The following SNTB1 variants were observed in gnomAD, a reference collection of about 807,000 sequenced individuals.
SNTB1 encodes beta-1-syntrophin.
SNTB1 carries 36 observed loss-of-function variants against 48.9 expected under a neutral mutation model. The observed-to-expected ratio is 0.74, with a 90% CI of 0.56 to 0.97. The LOEUF is 0.97. Ranked by LOEUF, SNTB1 falls within the 50% of genes least tolerant of loss-of-function variation. The probability of loss-of-function intolerance (pLI) is 0.00; values close to 1 mark genes in which losing one functional copy is unlikely to be tolerated. For synonymous variants in SNTB1, 299 were observed against 294.6 expected (o/e 1.01, Z -0.15); for missense variants, 786 against 703.4 (o/e 1.12, Z -1.33).
At chr8:120,717,848 A>G (rs1818587351) in intron 1 of SNTB1, among the ~76,000 whole-genome samples, 1 of 152,196 alleles carries the variant, frequency 6.6e-6, no homozygotes, top group Admixed American at 6.5e-5. Context: ...AGCAAAAATA[A>G]AATGAAAAAC....
At chr8:120,588,438 CTG>C (rs1454545456) in intron 3 of SNTB1, among the ~76,000 whole-genome samples, 3 of 151,354 alleles carry the variant, frequency 2.0e-5, no homozygotes, top group Non-Finnish European at 4.4e-5. Context: ...AATTGTAAAA[CTG>C]TGTTCCAAGG....
intron 3 of SNTB1, among the ~76,000 whole-genome samples, chr8:120,625,655 A>AT (rs1171645102): frequency 6.6e-6 from 1 of 152,294 alleles, no homozygotes; most frequent in Admixed American, 6.5e-5. Context: ...CTGCTGCCAG[A>AT]TTTTTTTCTT....
intron 1 of SNTB1, among the ~76,000 whole-genome samples, chr8:120,799,014 A>G (rs1043859519): frequency 9.2e-5 from 14 of 152,020 alleles, no homozygotes; most frequent in Admixed American, 5.9e-4. Flanking sequence ...GATGCTGACC[A>G]GGGAGTTAAT....
chr8:120,698,060 G>A (rs901972921), intron 1 of SNTB1, among the ~76,000 whole-genome samples: 6 of 152,098 alleles, frequency 3.9e-5, no homozygotes, highest in Non-Finnish European at 1.5e-5. Context: ...AAGGTATAGC[G>A]AATATGGCAG....
chr8:120,611,679 G>A (rs954132992), intron 3 of SNTB1, among the ~76,000 whole-genome samples: 4 of 151,784 alleles, frequency 2.6e-5, no homozygotes, highest in Admixed American at 6.6e-5. Context: ...AAAATTAGCC[G>A]GGCGTGGTGG....
chr8:120,649,822 C>T (rs561052526), intron 2 of SNTB1, among the ~76,000 whole-genome samples: 15 of 152,228 alleles, frequency 9.9e-5, no homozygotes, highest in African/African-American at 3.4e-4. Flanking sequence ...CAGCGAGACT[C>T]CGTGGGCGTA....
intron 1 of SNTB1, among the ~76,000 whole-genome samples, chr8:120,789,791 C>A (rs899439729): frequency 1.3e-5 from 2 of 151,868 alleles, no homozygotes; most frequent in South Asian, 4.1e-4. Flanking sequence ...GATTCTCAGC[C>A]AAATTCTACC....
At chr8:120,745,421 G>C (rs74833331) in intron 1 of SNTB1, among the ~76,000 whole-genome samples, 1,728 of 152,268 alleles carry the variant, frequency 0.011, 36 homozygotes, top group African/African-American at 0.039. Flanking sequence ...AGAGAAGCCA[G>C]CATTCCCCAG....
chr8:120,661,893 G>C (rs966557635), intron 2 of SNTB1, among the ~76,000 whole-genome samples: 1 of 152,180 alleles, frequency 6.6e-6, no homozygotes, highest in African/African-American at 2.4e-5. Context: ...TCAGAGAATG[G>C]GGAAGGAGTA....
chr8:120,550,015 A>G (rs1174886809), intron 4 of SNTB1, among the ~76,000 whole-genome samples: 4 of 152,346 alleles, frequency 2.6e-5, no homozygotes, highest in Admixed American at 2.6e-4. Context: ...TAAAAATTGC[A>G]CAGAGGAAAT....
intron 3 of SNTB1, among the ~76,000 whole-genome samples, chr8:120,623,648 C>G (rs917658417): frequency 6.6e-6 from 1 of 152,190 alleles, no homozygotes; most frequent in Non-Finnish European, 1.5e-5. Context: ...CTGTCCAGTG[C>G]TGAGTAGAGT....
chr8:120,576,456 T>C (rs960467833), intron 3 of SNTB1, among the ~76,000 whole-genome samples: 1 of 152,212 alleles, frequency 6.6e-6, no homozygotes, highest in Non-Finnish European at 1.5e-5. Flanking sequence ...GCTAACACCC[T>C]AGTATGAGGA....
At chr8:120,636,377 T>A (rs1194653370) in intron 2 of SNTB1, among the ~76,000 whole-genome samples, 6 of 134,996 alleles carry the variant, frequency 4.4e-5, no homozygotes, top group African/African-American at 1.6e-4. Flanking sequence ...TATCTCCCGA[T>A]GCTATCCCTC....
intron 5 of SNTB1, among the ~76,000 whole-genome samples, chr8:120,546,737 T>C (rs1815387235): frequency 6.6e-6 from 1 of 152,224 alleles, no homozygotes; most frequent in Admixed American, 6.5e-5. Context: ...CCCAAAGTGC[T>C]GGAATTACAG....
intron 3 of SNTB1, among the ~76,000 whole-genome samples, chr8:120,580,895 C>T (rs1263887285): frequency 6.6e-6 from 1 of 152,064 alleles, no homozygotes; most frequent in Non-Finnish European, 1.5e-5. Flanking sequence ...TTGCCCTGAA[C>T]AATCCCCAGG....
At chr8:120,708,025 G>A (rs1416975268) in intron 1 of SNTB1, among the ~76,000 whole-genome samples, 1 of 151,644 alleles carries the variant, frequency 6.6e-6, no homozygotes, top group Non-Finnish European at 1.5e-5. Context: ...CATACAAACT[G>A]TCACATTTGA....
intron 3 of SNTB1, among the ~76,000 whole-genome samples, chr8:120,627,355 C>T (rs13258818): frequency 0.45 from 68,574 of 151,854 alleles, 18,994 homozygotes; most frequent in Non-Finnish European, 0.63. Context: ...TACAAATTGC[C>T]TTCCCCTAAT....
Position 120,537,829 on chromosome 8 carries a change from T to C in SNTB1, c.*1048A>G, listed in dbSNP as rs1226421578. 3 of 152,202 alleles carry C rather than the reference T, an allele frequency of 2.0e-5. No individual in the cohort carries two copies. The East Asian group carries it at 5.8e-4, about 29-fold the overall frequency. 9.4% of individuals were successfully genotyped at this position (152,202 alleles called of 1,614,324 possible). A position where few individuals can be genotyped will look rare whatever the true frequency, so the allele number is the denominator to read the frequency against. ...CTGAAAGAACTGCAGATACTGTCAA[T>C]AGATTTGATTATAGCATTCAGTCTA... On this transcript the variant is annotated 3_prime_UTR_variant, in exon 7 of 7. Transcript: ENST00000517992.
chr8:120,709,595 G>A (rs1027791542), intron 1 of SNTB1, among the ~76,000 whole-genome samples: 5 of 152,160 alleles, frequency 3.3e-5, no homozygotes, highest in African/African-American at 7.2e-5. Flanking sequence ...CACCTTGTGA[G>A]ATCATACTGT....
Sources: allele counts gnomAD v4.1 joint callset (sites outside exome capture counted in the v4.1 genomes callset), GRCh38; gene constraint gnomAD v4.1.1; transcripts MANE v1.5; gene names NCBI Gene and HGNC (gene_info 2026-07-23, HGNC 2026-07-21).